The following ZDHHC14 variants were observed in gnomAD, a reference collection of about 807,000 sequenced individuals.
ZDHHC14 encodes zDHHC palmitoyltransferase 14.
Under a neutral mutation model 47.7 loss-of-function variants are expected in ZDHHC14, and 16 were observed. The ratio of observed to expected loss-of-function variants is 0.34; its 90% CI spans 0.23 to 0.51. The LOEUF (loss-of-function observed/expected upper bound fraction) is 0.51, where lower values mean the gene tolerates loss of function less well. Ranked by LOEUF, ZDHHC14 falls within the 20% of genes least tolerant of loss-of-function variation. The probability of loss-of-function intolerance (pLI) is 0.97; values close to 1 mark genes in which losing one functional copy is unlikely to be tolerated. For synonymous variants in ZDHHC14, 293 were observed against 278.9 expected (o/e 1.05, Z -0.50); for missense variants, 515 against 662.5 (o/e 0.78, Z 2.44).
Position 157,386,988 on chromosome 6 carries a change from GC to G in ZDHHC14, c.245+4723del, listed in dbSNP as rs565834628. On this transcript the variant is annotated intron_variant, in intron 1 of 8. Transcript: ENST00000359775. ...AGGCTGGGTGAGGTTTGTGTTTTCA[GC>G]AGCATCATATGAGGTGAGGAATGTC... 1.2e-3 allele frequency among the ~76,000 whole-genome samples: 176 copies of G among 152,306 alleles called. 1 individual carries two copies. The highest frequency in any genetic ancestry group is 3.9e-3 in the African/African-American group (164 of 41,574).
chr6:157,457,307 G>C (rs1192667724), intron 1 of ZDHHC14, among the ~76,000 whole-genome samples: 1 of 152,104 alleles, frequency 6.6e-6, no homozygotes, highest in Non-Finnish European at 1.5e-5. Context: ...CATTTGTTTG[G>C]CCACAGCAAA....
chr6:157,541,626 A>T (rs538538969), intron 1 of ZDHHC14, among the ~76,000 whole-genome samples: 4 of 152,280 alleles, frequency 2.6e-5, no homozygotes, highest in Admixed American at 2.0e-4. Flanking sequence ...AATGCCCATG[A>T]TGTTATTTAA....
intron 3 of ZDHHC14, among the ~76,000 whole-genome samples, chr6:157,627,014 G>A (rs1301153981): frequency 6.6e-6 from 1 of 152,068 alleles, no homozygotes; most frequent in African/African-American, 2.4e-5. Flanking sequence ...AAGCCAGGGA[G>A]CTCTGAAATC....
intron 7 of ZDHHC14, among the ~76,000 whole-genome samples, chr6:157,649,635 A>ATTTG (rs1777726083): frequency 6.6e-6 from 1 of 152,136 alleles, no homozygotes; most frequent in Non-Finnish European, 1.5e-5. Flanking sequence ...CTGGGTTCTT[A>ATTTG]AATGGTGCTG....
chr6:157,597,237 G>A (rs527938400), intron 3 of ZDHHC14, among the ~76,000 whole-genome samples: 6 of 152,302 alleles, frequency 3.9e-5, no homozygotes, highest in African/African-American at 1.2e-4. Context: ...TCATTAAAGC[G>A]AGAGAAACTG....
At chr6:157,387,209 T>A (rs1777329058) in intron 1 of ZDHHC14, among the ~76,000 whole-genome samples, 1 of 152,082 alleles carries the variant, frequency 6.6e-6, no homozygotes, top group South Asian at 2.1e-4. Context: ...CCTTCTTCTT[T>A]TTACATTTAG....
intron 4 of ZDHHC14, among the ~76,000 whole-genome samples, chr6:157,628,914 G>C (rs1785549032): frequency 6.6e-6 from 1 of 152,162 alleles, no homozygotes; most frequent in African/African-American, 2.4e-5. Flanking sequence ...TCCTTAATGT[G>C]ATAATCTCCT....
intron 1 of ZDHHC14, among the ~76,000 whole-genome samples, chr6:157,510,503 C>T (rs1336541622): frequency 6.6e-6 from 1 of 152,202 alleles, no homozygotes; most frequent in Admixed American, 6.5e-5. Flanking sequence ...CCATGTCTTA[C>T]CAAGTCCCTC....
intron 1 of ZDHHC14, among the ~76,000 whole-genome samples, chr6:157,413,872 G>A (rs1424375469): frequency 6.6e-6 from 1 of 151,948 alleles, no homozygotes; most frequent in East Asian, 1.9e-4. Flanking sequence ...CCTCCACCCT[G>A]GAAAGGCCGG....
chr6:157,396,777 A>G (rs1342124133), intron 1 of ZDHHC14, among the ~76,000 whole-genome samples: 1 of 152,040 alleles, frequency 6.6e-6, no homozygotes, highest in African/African-American at 2.4e-5. Flanking sequence ...GGAGAAGCCT[A>G]CTCTTCCCAT....
At chr6:157,574,442 C>T (rs980977478) in intron 2 of ZDHHC14, among the ~76,000 whole-genome samples, 1 of 152,128 alleles carries the variant, frequency 6.6e-6, no homozygotes, top group Admixed American at 6.5e-5. Context: ...TTGGAGCACC[C>T]GTGTCATTGC....
At chr6:157,671,532 G>A (rs1052746119) in intron 8 of ZDHHC14, among the ~76,000 whole-genome samples, 1 of 152,186 alleles carries the variant, frequency 6.6e-6, no homozygotes, top group African/African-American at 2.4e-5. Context: ...TATAAGTCCT[G>A]TTAAGTCTCT....
At chr6:157,507,766 C>T (rs1442154134) in intron 1 of ZDHHC14, among the ~76,000 whole-genome samples, 1 of 152,194 alleles carries the variant, frequency 6.6e-6, no homozygotes, top group Admixed American at 6.5e-5. Flanking sequence ...TGAGGGTTTT[C>T]CTTGCCCCTC....
intron 1 of ZDHHC14, among the ~76,000 whole-genome samples, chr6:157,386,304 C>T (rs1030853225): frequency 4.6e-5 from 7 of 152,036 alleles, no homozygotes; most frequent in African/African-American, 1.4e-4. Flanking sequence ...CCCAAGAGTT[C>T]GAGACCAGCC....
chr6:157,409,746 G>A (rs1347049951), intron 1 of ZDHHC14, among the ~76,000 whole-genome samples: 2 of 152,056 alleles, frequency 1.3e-5, no homozygotes, highest in Non-Finnish European at 2.9e-5. Context: ...AAGTGTTTCC[G>A]AGTGGTTTCC....
In ZDHHC14 at chr6:157,660,013, G is replaced by A. The variant is rs192517441; in HGVS notation, c.1068+6386G>A. Among the ~76,000 whole-genome samples, 761 of 152,158 alleles carry A rather than the reference G, an allele frequency of 5.0e-3. 5 individuals carry two copies. Among genetic ancestry groups the A allele is most frequent in the Non-Finnish European group, 7.7e-3 (524 of 68,018 alleles). ...TTTAGCGCTTTAGAATGGACAGAGC[G>A]TTGCTAATATTGATACTATCATTGC... On this transcript the variant is annotated intron_variant, in intron 8 of 8. Coordinates refer to ENST00000359775, the MANE Select transcript of ZDHHC14 (RefSeq NM_024630.3).
chr6:157,419,605 C>A (rs1295628259), intron 1 of ZDHHC14, among the ~76,000 whole-genome samples: 3 of 152,316 alleles, frequency 2.0e-5, no homozygotes, highest in East Asian at 3.9e-4. Context: ...CCATGTGCAT[C>A]CAAGGTTCCT....
At chr6:157,403,311 G>T (rs1355014099) in intron 1 of ZDHHC14, among the ~76,000 whole-genome samples, 1 of 152,206 alleles carries the variant, frequency 6.6e-6, no homozygotes, top group East Asian at 1.9e-4. Flanking sequence ...GAAATAACCT[G>T]CTAGGTTATG....
At chr6:157,399,462 C>T (rs553739130) in intron 1 of ZDHHC14, among the ~76,000 whole-genome samples, 11 of 152,188 alleles carry the variant, frequency 7.2e-5, no homozygotes, top group African/African-American at 1.7e-4. Flanking sequence ...TGTCTTCGGG[C>T]GGGCTTAGGT....
Sources: gnomAD v4.1 joint callset for allele counts (sites outside exome capture counted in the v4.1 genomes callset) on GRCh38, gnomAD v4.1.1 for gene constraint, MANE v1.5 for transcripts, NCBI Gene and HGNC (gene_info 2026-07-23, HGNC 2026-07-21) for gene names.